The following S100Z variants were observed in gnomAD, a reference collection of about 807,000 sequenced individuals.
S100Z encodes protein S100-Z.
In S100Z, 11 loss-of-function variants were observed where a neutral mutation model predicts 8.5. The observed-to-expected ratio is 1.30, with a 90% CI of 0.82 to 2.15. S100Z has a LOEUF of 2.15. Among genes scored for constraint, S100Z ranks in the 30% most tolerant of loss-of-function variants. S100Z has a pLI of 0.00. For missense variants in S100Z, 126 were observed against 117.9 expected (o/e 1.07, Z -0.32); for synonymous variants, 34 against 43.8 (o/e 0.78, Z 0.89).
the S100Z span, among the ~76,000 whole-genome samples, chr5:76,935,055 T>C: frequency 6.6e-6 from 1 of 152,168 alleles, no homozygotes; most frequent in Non-Finnish European, 1.5e-5. Context: ...GTATTATGTA[T>C]GAAAAACAAA....
At chr5:76,936,201 G>A in the S100Z span, among the ~76,000 whole-genome samples, 2 of 152,002 alleles carry the variant, frequency 1.3e-5, no homozygotes, top group Admixed American at 6.6e-5. Flanking sequence ...CGAGTAAAAT[G>A]CTGTGTGCCC....
At chr5:76,942,825 C>T in the S100Z span, among the ~76,000 whole-genome samples, 40 of 152,338 alleles carry the variant, frequency 2.6e-4, no homozygotes, top group African/African-American at 9.4e-4. Context: ...ACAGCTGGAG[C>T]ACTTGGGGAC....
chr5:76,852,940 A>T (rs1306525315), intron 1 of S100Z, among the ~76,000 whole-genome samples: 4 of 152,218 alleles, frequency 2.6e-5, no homozygotes, highest in Non-Finnish European at 5.9e-5. Flanking sequence ...TAGGCAAGTC[A>T]GGACTCTTCT....
chr5:76,894,375 A>G (rs1335765556), intron 4 of S100Z, among the ~76,000 whole-genome samples: 2 of 152,198 alleles, frequency 1.3e-5, no homozygotes, highest in Non-Finnish European at 2.9e-5. Context: ...CCTTGGGCAC[A>G]TGTTCTCAGG....
At chr5:76,900,439 G>T (rs983175038) in intron 4 of S100Z, among the ~76,000 whole-genome samples, 1 of 151,578 alleles carries the variant, frequency 6.6e-6, no homozygotes. Flanking sequence ...TTTTTCTTCT[G>T]TCTCCTCTGT....
At chr5:76,921,988 CA>C (rs35018497), downstream of S100Z, among the ~76,000 whole-genome samples, 40,145 of 114,524 alleles carry the variant, frequency 0.35, 6,186 homozygotes, top group South Asian at 0.62. Flanking sequence ...GAGACTGTCT[CA>C]AAAAAAAAAA....
chr5:76,921,121 C>T lies in S100Z; in HGVS notation c.*407C>T, dbSNP rs1403077026. 1 of 152,010 alleles carries T rather than the reference C, an allele frequency of 6.6e-6. No homozygotes were observed. The highest frequency in any genetic ancestry group is 2.4e-5 in the African/African-American group (1 of 41,372). The allele number at this position is 152,010 out of a possible 1,614,324, so 9.4% of individuals were successfully genotyped here. ...TGTTAACTTCTTCATTCGAATTTTC[C>T]CTAGGTCCATGTATCTATATATCTA... is the stretch of plus-strand genomic sequence containing the variant. On this transcript the variant is annotated 3_prime_UTR_variant, in exon 5 of 5. Coordinates refer to ENST00000317593, the MANE Select transcript of S100Z (RefSeq NM_130772.4).
At chr5:76,945,457 T>G in the S100Z span, among the ~76,000 whole-genome samples, 1 of 152,176 alleles carries the variant, frequency 6.6e-6, no homozygotes, top group Admixed American at 6.5e-5. Context: ...TGCCTGCCCC[T>G]GGGAATGGAA....
the S100Z span, among the ~76,000 whole-genome samples, chr5:76,945,425 TA>T: frequency 5.9e-5 from 9 of 152,210 alleles, no homozygotes; most frequent in East Asian, 9.7e-4. Flanking sequence ...GCAGTTGAGA[TA>T]AGAGGAAGGT....
chr5:76,902,186 G>A (rs992269058), intron 4 of S100Z, among the ~76,000 whole-genome samples: 1 of 152,134 alleles, frequency 6.6e-6, no homozygotes, highest in Admixed American at 6.6e-5. Flanking sequence ...GTTAGGAAAG[G>A]GGTGATGCCA....
chr5:76,895,647 A>C (rs924465094), intron 4 of S100Z, among the ~76,000 whole-genome samples: 1 of 152,096 alleles, frequency 6.6e-6, no homozygotes, highest in Non-Finnish European at 1.5e-5. Flanking sequence ...ATCATAAAGA[A>C]TAGGGTATCC....
At chr5:76,914,559 T>C (rs924880160) in intron 4 of S100Z, among the ~76,000 whole-genome samples, 2 of 152,088 alleles carry the variant, frequency 1.3e-5, no homozygotes, top group Non-Finnish European at 2.9e-5. Flanking sequence ...CAATAAATCT[T>C]GCTGCTGCTC....
intron 1 of S100Z, among the ~76,000 whole-genome samples, chr5:76,859,069 G>A (rs1369099620): frequency 6.6e-6 from 1 of 152,170 alleles, no homozygotes. Flanking sequence ...AGCTGAGATA[G>A]CACCACTGCA....
chr5:76,947,303 C>A, the S100Z span, among the ~76,000 whole-genome samples: 1 of 152,124 alleles, frequency 6.6e-6, no homozygotes, highest in Non-Finnish European at 1.5e-5. Context: ...CCTGAAAAGT[C>A]TGAACTTTTA....
chr5:76,850,277 G>C (rs976675705), intron 1 of S100Z, 122 bp downstream of exon 1: 2 of 144,742 alleles, frequency 1.4e-5, no homozygotes, highest in Non-Finnish European at 3.0e-5. Context: ...GGGTTGCCTT[G>C]GGGCTTCCAC....
At chr5:76,883,403 A>G (rs1743483541) in intron 4 of S100Z, among the ~76,000 whole-genome samples, 1 of 152,208 alleles carries the variant, frequency 6.6e-6, no homozygotes, top group Admixed American at 6.5e-5. Context: ...AAATGAGTGC[A>G]TAAAAGAATA....
At position 76,875,477 on chromosome 5, in the gene S100Z, C is replaced by A; in HGVS notation, c.118C>A (p.Arg40=). 1 of 1,610,004 alleles carries A rather than the reference C, an allele frequency of 6.2e-7. No homozygotes were observed. Among genetic ancestry groups the A allele is most frequent in the Non-Finnish European group, 8.5e-7 (1 of 1,178,362 alleles). The part of the protein sequence containing the change: ...SKGELKLLLQ[R]ELTEFLSCQK... ...GGGGGAACTGAAACTGCTCCTGCAG[C>A]GAGAGCTCACGGAATTCCTCTCGGT... The change falls in exon 3 of 5, where the codon CGA becomes AGA. Residue 40 remains arginine (R), a synonymous_variant. Coordinates refer to ENST00000317593, the MANE Select transcript of S100Z (RefSeq NM_130772.4).
chr5:76,863,685 C>G (rs75813045), intron 1 of S100Z, among the ~76,000 whole-genome samples: 1 of 151,776 alleles, frequency 6.6e-6, no homozygotes, highest in Non-Finnish European at 1.5e-5. Flanking sequence ...ACTACAGGCA[C>G]CCGCCACCAC....
intron 4 of S100Z, among the ~76,000 whole-genome samples, chr5:76,879,362 A>G (rs1743312024): frequency 1.3e-5 from 2 of 152,170 alleles, no homozygotes; most frequent in African/African-American, 4.8e-5. Flanking sequence ...GAAAAAAATG[A>G]CAGCTCTCTG....
Sources: gnomAD v4.1 joint callset for allele counts (sites outside exome capture counted in the v4.1 genomes callset) on GRCh38, gnomAD v4.1.1 for gene constraint, MANE v1.5 for transcripts, NCBI Gene and HGNC (gene_info 2026-07-23, HGNC 2026-07-21) for gene names.